C14orf180: variants seen among roughly 807,000 people sequenced by gnomAD.
The protein encoded by C14orf180 is nutritionally-regulated adipose and cardiac enriched protein homolog.
C14orf180 carries 13 observed loss-of-function variants against 13.9 expected under a neutral mutation model. That is an observed-to-expected ratio of 0.94 (90% CI 0.61 to 1.49). C14orf180 has a LOEUF of 1.49. Among genes scored for constraint, C14orf180 ranks in the 40% most tolerant of loss-of-function variants. The pLI, the probability that C14orf180 is intolerant of heterozygous loss-of-function variation, is 0.00. For missense variants in C14orf180, 238 were observed against 232.0 expected, an observed-to-expected ratio of 1.03 and a Z score of -0.17; for synonymous variants, 113 against 106.3, an observed-to-expected ratio of 1.06 and a Z score of -0.39.
At chr14:104,586,330 G>C (rs1301020212) in intron 1 of C14orf180, 85 bp from the exon 2 acceptor site, 1 of 972,614 alleles carries the variant, frequency 1.0e-6, no homozygotes. Flanking sequence ...TGGCTTCCAG[G>C]AAAGAATTTT....
intron 1 of C14orf180, among the ~76,000 whole-genome samples, chr14:104,581,877 T>A (rs984600684): frequency 6.7e-6 from 1 of 149,712 alleles, no homozygotes; most frequent in Non-Finnish European, 1.5e-5. Context: ...CCTGGAAGGC[T>A]GTGAGGCTGC....
chr14:104,588,938 G>A lies in C14orf180; in HGVS notation c.*155G>A. On this transcript the variant is annotated 3_prime_UTR_variant, in exon 5 of 5. Coordinates refer to ENST00000557649, the MANE Select transcript of C14orf180 (RefSeq NM_001008404.3). ...CTAACTAGGAAAAGGGGGACCCCGT[G>A]GCGTGAGATCGGACATGGGGGGCAC... 4.2e-6 allele frequency: 6 copies of A among 1,420,238 alleles called. No individual in the cohort carries two copies. Among genetic ancestry groups the A allele is most frequent in the Non-Finnish European group, 4.6e-6 (5 of 1,090,110 alleles). 88.0% of individuals were successfully genotyped at this position (1,420,238 alleles called of 1,614,324 possible).
In C14orf180 at chr14:104,587,998, C is replaced by T. The variant is rs116669858; in HGVS notation, c.241+120C>T. 216 of 1,310,928 alleles carry T rather than the reference C, an allele frequency of 1.6e-4. No homozygotes were observed. In the African/African-American group the frequency reaches 3.0e-3, roughly 18 times the overall value. The allele number at this position is 1,310,928 out of a possible 1,614,324, so 81.2% of individuals were successfully genotyped here. On this transcript the variant is annotated intron_variant, in intron 3 of 4. Transcript: ENST00000557649. Reference sequence around the variant, plus strand: ...CCAGGACATGGGGGGGCCGTGGCCACCTGCCTTCAGTGCCACAACCCCTGT... The same window carrying T: ...CCAGGACATGGGGGGGCCGTGGCCATCTGCCTTCAGTGCCACAACCCCTGT...
chr14:104,587,093 C>A (rs914359608), intron 2 of C14orf180, among the ~76,000 whole-genome samples: 40 of 152,202 alleles, frequency 2.6e-4, no homozygotes, highest in African/African-American at 9.4e-4. Context: ...AACCTCAGAG[C>A]TGGCCCGGCT....
chr14:104,589,003 G>A lies in C14orf180; in HGVS notation c.*220G>A. 2 of 934,156 alleles carry A rather than the reference G, an allele frequency of 2.1e-6. No individual in the cohort carries two copies. Among genetic ancestry groups the A allele is most frequent in the Non-Finnish European group, 3.1e-6 (2 of 651,818 alleles). The allele number at this position is 934,156 out of a possible 1,614,324, so 57.9% of individuals were successfully genotyped here. ...CCACACTAGTCAGCACAGCCCTCCT[G>A]TCTCCTGTGTTGGGTCCATGTGAGA... On this transcript the variant is annotated 3_prime_UTR_variant, in exon 5 of 5. Transcript: ENST00000557649. The surrounding 1 kb of genome is among the most constrained non-coding windows in gnomAD (Gnocchi z 4.9).
At position 104,589,335 on chromosome 14, in the gene C14orf180, AC is replaced by A. The variant is rs3840007; in HGVS notation, c.*558del. The A allele has an allele frequency of 0.12, 18,960 of 156,854 alleles. 3,543 individuals are homozygous for A. Among genetic ancestry groups the A allele is most frequent in the African/African-American group, 0.41 (16,993 of 41,360 alleles). The allele number at this position is 156,854 out of a possible 1,614,324, so 9.7% of individuals were successfully genotyped here. A position where few individuals can be genotyped will look rare whatever the true frequency, so the allele number is the denominator to read the frequency against. ...GTGCCATCCTCTGAGCCCAGGTCTG[AC>A]CCCCCTACCCAGCCCCGTGAGTCTG... is the stretch of plus-strand genomic sequence containing the variant. On this transcript the variant is annotated 3_prime_UTR_variant, in exon 5 of 5. Coordinates refer to ENST00000557649, the MANE Select transcript of C14orf180 (RefSeq NM_001008404.3). The surrounding 1 kb of genome is among the most constrained non-coding windows in gnomAD (Gnocchi z 4.9).
intron 1 of C14orf180, among the ~76,000 whole-genome samples, chr14:104,581,923 C>T (rs1474136482): frequency 2.6e-5 from 4 of 152,044 alleles, no homozygotes; most frequent in African/African-American, 9.7e-5. Context: ...GAGGGGTGAG[C>T]CGGGAGTGTG....
intron 1 of C14orf180, among the ~76,000 whole-genome samples, chr14:104,584,895 A>AT (rs1008133804): frequency 3.9e-5 from 6 of 152,224 alleles, no homozygotes; most frequent in Admixed American, 6.5e-5. Context: ...GGAGGTGGTC[A>AT]TGGCCACCCT....
intron 2 of C14orf180, among the ~76,000 whole-genome samples, chr14:104,587,182 C>G (rs1886657705): frequency 6.6e-6 from 1 of 152,188 alleles, no homozygotes; most frequent in Admixed American, 6.5e-5. Flanking sequence ...AACTCCCACT[C>G]CATCTTCCAG....
rs117279279 is a variant in C14orf180 at position 104,583,205 on chromosome 14, T to A, written c.-17+3202T>A. Among the ~76,000 whole-genome samples, 529 of 151,660 alleles carry A rather than the reference T, an allele frequency of 3.5e-3. 3 individuals carry two copies. Among genetic ancestry groups the A allele is most frequent in the East Asian group, 0.031 (158 of 5,144 alleles). Reference sequence around the variant, plus strand: ...AGCGTGGCCCACGTGAAGGTGCATCTCTGGAGAGGGGACCTCAGGGCTCAG... The same window carrying A: ...AGCGTGGCCCACGTGAAGGTGCATCACTGGAGAGGGGACCTCAGGGCTCAG... On this transcript the variant is annotated intron_variant, in intron 1 of 4. Coordinates refer to ENST00000557649, the MANE Select transcript of C14orf180 (RefSeq NM_001008404.3).
Position 104,588,898 on chromosome 14 carries a change from G to GC in C14orf180, c.*116dup, listed in dbSNP as rs1471031118. On this transcript the variant is annotated 3_prime_UTR_variant, in exon 5 of 5. Coordinates refer to ENST00000557649, the MANE Select transcript of C14orf180 (RefSeq NM_001008404.3). Reference sequence around the variant, plus strand: ...TGGTGAATCATGGGGGCCAAAAGGGGCTGCTGCCTGAGGGCTAACTAGGAA... The same window carrying GC: ...TGGTGAATCATGGGGGCCAAAAGGGGCCTGCTGCCTGAGGGCTAACTAGGAA... 2 of 1,469,132 alleles carry GC rather than the reference G, an allele frequency of 1.4e-6. No individual in the cohort carries two copies. The highest frequency in any genetic ancestry group is 1.8e-6 in the Non-Finnish European group (2 of 1,111,202). The allele number at this position is 1,469,132 out of a possible 1,614,324, so 91.0% of individuals were successfully genotyped here.
In C14orf180 at chr14:104,589,696, G is replaced by C. The variant is rs1398793308; in HGVS notation, c.*913G>C. ...CCACGGTTAGACACCAGGCAGAACT[G>C]CCCAGGAGAGACACAGGGACAATCA... On this transcript the variant is annotated 3_prime_UTR_variant, in exon 5 of 5. Transcript: ENST00000557649. This position sits in a 1 kb window ranked among gnomAD's most constrained non-coding sequence, Gnocchi z 4.9. 2.0e-5 allele frequency: 3 copies of C among 152,590 alleles called. No homozygotes were observed. Among genetic ancestry groups the C allele is most frequent in the Non-Finnish European group, 4.4e-5 (3 of 68,086 alleles). 9.5% of individuals were successfully genotyped at this position (152,590 alleles called of 1,614,324 possible).
At chr14:104,580,423 G>A (rs560152413) in intron 1 of C14orf180, among the ~76,000 whole-genome samples, 1 of 152,326 alleles carries the variant, frequency 6.6e-6, no homozygotes, top group African/African-American at 2.4e-5. Flanking sequence ...CCACACAGGA[G>A]CTTCCAAAGG....
intron 1 of C14orf180, among the ~76,000 whole-genome samples, chr14:104,580,294 T>C (rs945720954): frequency 2.3e-4 from 35 of 152,244 alleles, no homozygotes; most frequent in African/African-American, 7.9e-4. Flanking sequence ...CTGGGACTGA[T>C]GGTTTCCCTA....
intron 2 of C14orf180, among the ~76,000 whole-genome samples, chr14:104,587,346 C>T (rs985426840): frequency 1.7e-4 from 26 of 152,314 alleles, no homozygotes; most frequent in African/African-American, 5.5e-4. Context: ...GGCCCTGGCC[C>T]GGCCCCTGCC....
intron 1 of C14orf180, among the ~76,000 whole-genome samples, chr14:104,583,928 AT>A (rs1886523118): frequency 6.6e-6 from 1 of 152,074 alleles, no homozygotes; most frequent in Non-Finnish European, 1.5e-5. Context: ...CCATGCACAC[AT>A]TCACACACAC....
At chr14:104,587,352 C>G (rs2140465330) in intron 2 of C14orf180, among the ~76,000 whole-genome samples, 1 of 152,354 alleles carries the variant, frequency 6.6e-6, no homozygotes, top group East Asian at 1.9e-4. Context: ...GGCCCGGCCC[C>G]TGCCCCATAG....
intron 2 of C14orf180, among the ~76,000 whole-genome samples, chr14:104,587,287 C>T (rs1886660078): frequency 1.3e-5 from 2 of 152,260 alleles, no homozygotes; most frequent in Non-Finnish European, 2.9e-5. Context: ...GCCTGGGAGG[C>T]TCGGCCCCAG....
intron 1 of C14orf180, among the ~76,000 whole-genome samples, chr14:104,583,930 TCA>T (rs1186517419): frequency 6.6e-6 from 1 of 151,886 alleles, no homozygotes; most frequent in Admixed American, 6.6e-5. Flanking sequence ...ATGCACACAT[TCA>T]CACACACAGA....
Sources: gnomAD v4.1 joint callset for allele counts (sites outside exome capture counted in the v4.1 genomes callset) on GRCh38, gnomAD v4.1.1 for gene constraint, Gnocchi (gnomAD v3.1) non-coding constraint, MANE v1.5 for transcripts, NCBI Gene and HGNC (gene_info 2026-07-23, HGNC 2026-07-21) for gene names.